ARL15: variants seen among roughly 807,000 people sequenced by gnomAD.
ARL15 encodes ARF like GTPase 15.
ARL15 carries 19 observed loss-of-function variants against 25.2 expected under a neutral mutation model. The ratio of observed to expected loss-of-function variants is 0.75; its 90% CI spans 0.53 to 1.10. The LOEUF (loss-of-function observed/expected upper bound fraction) is 1.10. Ranked by LOEUF, ARL15 falls within the 50% of genes least tolerant of loss-of-function variation. The pLI, the probability that ARL15 is intolerant of heterozygous loss-of-function variation, is 0.00. For missense variants in ARL15, 220 were observed against 246.0 expected, an observed-to-expected ratio of 0.89 and a Z score of 0.71; for synonymous variants, 94 against 86.8, an observed-to-expected ratio of 1.08 and a Z score of -0.46.
intron 4 of ARL15, among the ~76,000 whole-genome samples, chr5:54,018,024 T>C (rs1225259473): frequency 1.3e-5 from 2 of 152,140 alleles, no homozygotes; most frequent in Non-Finnish European, 2.9e-5. Context: ...CATTTAGAAG[T>C]ACCGAAATAC....
chr5:54,044,513 G>T lies in ARL15; in HGVS notation c.462+68689C>A, dbSNP rs149840133. On this transcript the variant is annotated intron_variant, in intron 4 of 4. Coordinates refer to ENST00000504924, the MANE Select transcript of ARL15 (RefSeq NM_019087.3). ...ACCCGCCTTGGCCTCCCAAAGCGCT[G>T]GGATTACAGGCGTGACCCACTGCAC... 8.4e-3 allele frequency among the ~76,000 whole-genome samples: 1,271 copies of T among 152,116 alleles called. 15 individuals carry two copies. The highest frequency in any genetic ancestry group is 0.028 in the African/African-American group (1,169 of 41,506).
At chr5:54,068,324 A>T (rs3776688) in intron 4 of ARL15, among the ~76,000 whole-genome samples, 1 of 152,130 alleles carries the variant, frequency 6.6e-6, no homozygotes, top group East Asian at 1.9e-4. Context: ...CACCAGCACC[A>T]AGGAACAGAA....
chr5:54,103,298 T>C (rs1307689605), intron 4 of ARL15, among the ~76,000 whole-genome samples: 1 of 152,162 alleles, frequency 6.6e-6, no homozygotes, highest in Non-Finnish European at 1.5e-5. Flanking sequence ...CCCAGTCAGT[T>C]GAAAGCTATG....
chr5:53,969,560 G>A (rs137905930), intron 4 of ARL15, among the ~76,000 whole-genome samples: 4 of 152,252 alleles, frequency 2.6e-5, no homozygotes, highest in Admixed American at 1.3e-4. Context: ...TTAGAAACAC[G>A]TTCTGGTGAA....
intron 4 of ARL15, among the ~76,000 whole-genome samples, chr5:54,092,419 T>A (rs1009472139): frequency 6.6e-6 from 1 of 152,158 alleles, no homozygotes; most frequent in Admixed American, 6.5e-5. Context: ...AAATTCCTAA[T>A]GAAATGAATG....
intron 4 of ARL15, among the ~76,000 whole-genome samples, 178 bp from the exon 5 acceptor site, chr5:53,886,891 T>C (rs942438561): frequency 5.9e-5 from 9 of 152,164 alleles, no homozygotes; most frequent in Non-Finnish European, 8.8e-5. Flanking sequence ...GGGTTATATA[T>C]TGTGACCTGG....
intron 4 of ARL15, among the ~76,000 whole-genome samples, chr5:54,039,440 C>G (rs1480349323): frequency 6.6e-6 from 1 of 152,054 alleles, no homozygotes; most frequent in African/African-American, 2.4e-5. Context: ...GAGGTTTCTA[C>G]AGAACATAAT....
At chr5:54,223,708 T>C (rs1217534305) in intron 1 of ARL15, among the ~76,000 whole-genome samples, 2 of 152,188 alleles carry the variant, frequency 1.3e-5, no homozygotes, top group Admixed American at 6.5e-5. Context: ...GAACTTACTA[T>C]GTATCAATCA....
At chr5:53,895,243 G>A (rs1744834690) in intron 4 of ARL15, among the ~76,000 whole-genome samples, 1 of 152,172 alleles carries the variant, frequency 6.6e-6, no homozygotes, top group Non-Finnish European at 1.5e-5. Flanking sequence ...CCTCTCCCCT[G>A]CTTTAGTTCA....
intron 1 of ARL15, among the ~76,000 whole-genome samples, chr5:54,297,822 G>A (rs939886363): frequency 1.8e-4 from 28 of 151,904 alleles, no homozygotes; most frequent in Admixed American, 9.8e-4. Flanking sequence ...TCGCTCTGTC[G>A]CCCAGGCTGG....
At chr5:53,944,599 A>T (rs1313729707) in intron 4 of ARL15, among the ~76,000 whole-genome samples, 2 of 152,100 alleles carry the variant, frequency 1.3e-5, no homozygotes, top group South Asian at 2.1e-4. Flanking sequence ...CTCAAAAAAC[A>T]AACAAACAAA....
At chr5:54,064,221 G>A (rs1246484121) in intron 4 of ARL15, among the ~76,000 whole-genome samples, 4 of 152,028 alleles carry the variant, frequency 2.6e-5, no homozygotes, top group African/African-American at 7.3e-5. Flanking sequence ...AAAGAGTCAC[G>A]AGTATTCTAA....
At chr5:54,159,709 C>T (rs887183941) in intron 2 of ARL15, among the ~76,000 whole-genome samples, 1 of 152,192 alleles carries the variant, frequency 6.6e-6, no homozygotes, top group Non-Finnish European at 1.5e-5. Context: ...ATTAGTAAGA[C>T]TGAAACCTCC....
chr5:54,184,065 C>G (rs1436652032), intron 1 of ARL15, among the ~76,000 whole-genome samples: 2 of 40,588 alleles, frequency 4.9e-5, no homozygotes, highest in East Asian at 1.2e-3. Context: ...CACATGGACA[C>G]AGGAAGGGGA....
intron 4 of ARL15, among the ~76,000 whole-genome samples, chr5:53,960,900 A>G (rs1420200065): frequency 6.6e-6 from 1 of 152,164 alleles, no homozygotes; most frequent in East Asian, 1.9e-4. Flanking sequence ...GGCTGTCTTT[A>G]TTTGTAACCT....
chr5:54,186,245 G>A (rs1256397123), intron 1 of ARL15, among the ~76,000 whole-genome samples: 3 of 152,154 alleles, frequency 2.0e-5, no homozygotes, highest in South Asian at 4.1e-4. Flanking sequence ...ATGGTCTAGC[G>A]CGGAGAAGCC....
At chr5:53,977,984 G>A (rs932814101) in intron 4 of ARL15, among the ~76,000 whole-genome samples, 1 of 152,174 alleles carries the variant, frequency 6.6e-6, no homozygotes, top group African/African-American at 2.4e-5. Context: ...ATAATAGGAG[G>A]AAAGACTCAT....
At chr5:54,214,404 C>G (rs1756126013) in intron 1 of ARL15, among the ~76,000 whole-genome samples, 1 of 152,114 alleles carries the variant, frequency 6.6e-6, no homozygotes, top group Admixed American at 6.6e-5. Context: ...GAAAGAACTT[C>G]CTTTGAAAAA....
intron 4 of ARL15, among the ~76,000 whole-genome samples, chr5:54,102,146 GGAATTA>G (rs1430618930): frequency 6.6e-6 from 1 of 151,534 alleles, no homozygotes; most frequent in African/African-American, 2.4e-5. Flanking sequence ...CCAAGTAGCT[GGAATTA>G]CAGGCGTGCA....
Sources: gnomAD v4.1 joint callset for allele counts (sites outside exome capture counted in the v4.1 genomes callset) on GRCh38, gnomAD v4.1.1 for gene constraint, MANE v1.5 for transcripts, NCBI Gene and HGNC (gene_info 2026-07-23, HGNC 2026-07-21) for gene names.